ATRNL1: variants seen among roughly 807,000 people sequenced by gnomAD.
ATRNL1 encodes the protein attractin-like protein 1.
Under a neutral mutation model 182.7 loss-of-function variants are expected in ATRNL1, and 95 were observed. The observed-to-expected ratio is 0.52, with a 90% CI of 0.44 to 0.62. ATRNL1 has a LOEUF of 0.62. Among genes scored for constraint, ATRNL1 ranks in the 20% least tolerant of loss-of-function variants. The pLI, the probability that ATRNL1 is intolerant of heterozygous loss-of-function variation, is 0.00. For missense variants in ATRNL1, 1,471 were observed against 1,679.5 expected (o/e 0.88, Z 2.17); for synonymous variants, 576 against 568.3 (o/e 1.01, Z -0.19).
In ATRNL1 at chr10:115,690,963, G is replaced by A. The variant is rs1555047992; in HGVS notation, c.3796-36285G>A. Among the ~76,000 whole-genome samples the A allele has an allele frequency of 2.0e-5, 3 of 152,106 alleles. 1 individual carries two copies. The highest frequency in any genetic ancestry group is 1.9e-4 in the East Asian group (1 of 5,150). The stretch of plus-strand genomic sequence containing the variant: ...CTTTACCTACAATACCAAGCCCCTT[G>A]GGGCTCCCAAGCCAACCTTCTCTGA... On this transcript the variant is annotated intron_variant, in intron 26 of 28. Coordinates refer to ENST00000355044, the MANE Select transcript of ATRNL1 (RefSeq NM_207303.4).
rs190252927 is a variant in ATRNL1, at chr10:115,338,484, T to C, written c.3175+4065T>C. Among the ~76,000 whole-genome samples the C allele has an allele frequency of 3.8e-3, 586 of 152,354 alleles. 2 individuals carry two copies. Among genetic ancestry groups the C allele is most frequent in the Non-Finnish European group, 5.8e-3 (393 of 68,024 alleles). On this transcript the variant is annotated intron_variant, in intron 19 of 28. Transcript: ENST00000355044. ...GCATTTCTCTGATGATCCATGATTT[T>C]GAGCACCTTTGCATATGCCTGTTTG...
intron 25 of ATRNL1, among the ~76,000 whole-genome samples, chr10:115,532,099 C>A (rs1851626667): frequency 6.6e-6 from 1 of 151,580 alleles, no homozygotes; most frequent in African/African-American, 2.4e-5. Flanking sequence ...TTAGGATTCA[C>A]TTGGCGATGC....
chr10:115,102,331 T>A (rs1483247307), intron 1 of ATRNL1, among the ~76,000 whole-genome samples: 1 of 152,220 alleles, frequency 6.6e-6, no homozygotes, highest in African/African-American at 2.4e-5. Context: ...TATGTATATT[T>A]ATTTTTTGAC....
At chr10:115,821,243 AAT>A (rs1194312188) in intron 27 of ATRNL1, among the ~76,000 whole-genome samples, 2 of 152,142 alleles carry the variant, frequency 1.3e-5, no homozygotes, top group African/African-American at 4.8e-5. Context: ...GCAAAGATTA[AAT>A]ATATGTTATT....
At chr10:115,387,810 A>G (rs1181625187) in intron 19 of ATRNL1, among the ~76,000 whole-genome samples, 6 of 152,038 alleles carry the variant, frequency 3.9e-5, no homozygotes, top group South Asian at 2.1e-4. Flanking sequence ...TGGATATTTT[A>G]TCATTTATAA....
At chr10:115,569,529 G>T (rs1250331660) in intron 26 of ATRNL1, among the ~76,000 whole-genome samples, 1 of 152,088 alleles carries the variant, frequency 6.6e-6, no homozygotes, top group East Asian at 1.9e-4. Context: ...AGTGGGAAAT[G>T]ATGTTTTAAA....
At chr10:115,283,912 A>G (rs1377592524) in intron 14 of ATRNL1, among the ~76,000 whole-genome samples, 1 of 152,178 alleles carries the variant, frequency 6.6e-6, no homozygotes. Context: ...GTAATGAAAT[A>G]TATTATGCAC....
intron 12 of ATRNL1, among the ~76,000 whole-genome samples, chr10:115,267,399 A>G (rs1468888292): frequency 6.6e-5 from 10 of 151,820 alleles, no homozygotes; most frequent in African/African-American, 2.4e-4. Context: ...GCCAAACCAC[A>G]CCATAAAGTA....
chr10:115,830,777 C>T (rs1447500959), intron 27 of ATRNL1, among the ~76,000 whole-genome samples: 2 of 152,072 alleles, frequency 1.3e-5, no homozygotes, highest in Non-Finnish European at 2.9e-5. Flanking sequence ...CAAAGCTCAG[C>T]GGTCATTTCC....
intron 9 of ATRNL1, 132 bp from the exon 10 acceptor site, chr10:115,241,439 T>TA: frequency 2.0e-6 from 1 of 499,778 alleles, no homozygotes; most frequent in Non-Finnish European, 3.3e-6. Flanking sequence ...TATAAATTGT[T>TA]AAAAAATATG....
At chr10:115,245,492 T>G (rs1592315956) in intron 10 of ATRNL1, among the ~76,000 whole-genome samples, 1 of 73,000 alleles carries the variant, frequency 1.4e-5, no homozygotes, top group African/African-American at 6.4e-5. Flanking sequence ...AGACCGACAC[T>G]CCGTCTCAAA....
At chr10:115,572,560 A>T (rs2250609) in intron 26 of ATRNL1, among the ~76,000 whole-genome samples, 147,928 of 152,136 alleles carry the variant, frequency 0.97, 72,083 homozygotes, top group East Asian at 1. Flanking sequence ...GTTAGACAGC[A>T]GTCAAGAGCA....
At chr10:115,385,937 A>G (rs782335355) in intron 19 of ATRNL1, among the ~76,000 whole-genome samples, 1 of 152,114 alleles carries the variant, frequency 6.6e-6, no homozygotes, top group African/African-American at 2.4e-5. Context: ...GCCTAATGTC[A>G]TTACCAAACT....
At chr10:115,155,224 GT>G (rs1846450140) in intron 5 of ATRNL1, among the ~76,000 whole-genome samples, 1 of 150,330 alleles carries the variant, frequency 6.7e-6, no homozygotes, top group African/African-American at 2.4e-5. Context: ...GTTGGATCAT[GT>G]TTTTCTTTTT....
chr10:115,350,346 G>GAAAAAAAAAAAAAAAAAAAA (rs71010016), intron 19 of ATRNL1, among the ~76,000 whole-genome samples: 1 of 66,376 alleles, frequency 1.5e-5, no homozygotes, highest in Non-Finnish European at 2.6e-5. Flanking sequence ...AAAAAAAAAA[G>GAAAAAAAAAAAAAAAAAAAA]AAAAAAAAAA....
intron 1 of ATRNL1, among the ~76,000 whole-genome samples, chr10:115,114,045 TA>T (rs1318012581): frequency 6.6e-6 from 1 of 152,056 alleles, no homozygotes; most frequent in African/African-American, 2.4e-5. Context: ...GATACCTGCA[TA>T]AAAACAGACA....
chr10:115,123,881 G>A (rs1554872502), intron 3 of ATRNL1, among the ~76,000 whole-genome samples: 1 of 151,794 alleles, frequency 6.6e-6, no homozygotes, highest in African/African-American at 2.4e-5. Flanking sequence ...GAGGGATCTA[G>A]GTTGCTCATT....
chr10:115,268,800 T>C (rs1247787405), intron 13 of ATRNL1, among the ~76,000 whole-genome samples: 1 of 152,256 alleles, frequency 6.6e-6, no homozygotes, highest in Admixed American at 6.5e-5. Context: ...ATTGGATTCC[T>C]GTCAGACATG....
chr10:115,613,272 T>TG (rs2133782819), intron 26 of ATRNL1, among the ~76,000 whole-genome samples: 2 of 152,346 alleles, frequency 1.3e-5, no homozygotes, highest in African/African-American at 4.8e-5. Context: ...GTTTTGCCTA[T>TG]GTCTGTTGAG....
Sources: gnomAD v4.1 joint callset for allele counts (sites outside exome capture counted in the v4.1 genomes callset) on GRCh38, gnomAD v4.1.1 for gene constraint, MANE v1.5 for transcripts, NCBI Gene and HGNC (gene_info 2026-07-23, HGNC 2026-07-21) for gene names.